Variants in AK9 observed in about 807,000 individuals in gnomAD.
AK9 encodes adenylate kinase domain containing 1.
Under a neutral mutation model 239.6 loss-of-function variants are expected in AK9, and 191 were observed. The observed-to-expected ratio is 0.80, with a 90% CI of 0.71 to 0.90. The LOEUF is 0.90. AK9 is among the 40% of genes least tolerant of loss of function. The pLI is 0.00. For synonymous variants in AK9, 689 were observed against 721.0 expected (o/e 0.96, Z 0.71); for missense variants, 1,995 against 2,214.7 (o/e 0.90, Z 1.99).
intron 12 of AK9, among the ~76,000 whole-genome samples, chr6:109,629,805 T>G (rs1447652104): frequency 6.6e-6 from 1 of 152,018 alleles, no homozygotes; most frequent in Non-Finnish European, 1.5e-5. Flanking sequence ...GCTAATTTTT[T>G]TGTATTTTTA....
intron 7 of AK9, among the ~76,000 whole-genome samples, chr6:109,657,709 C>G (rs1031884407): frequency 2.2e-4 from 34 of 152,038 alleles, no homozygotes; most frequent in Non-Finnish European, 4.6e-4. Context: ...CTCCCCCTAC[C>G]CCCTGACAGG....
chr6:109,522,480 G>C (rs1582824899), intron 29 of AK9, among the ~76,000 whole-genome samples: 1 of 151,596 alleles, frequency 6.6e-6, no homozygotes, highest in Admixed American at 6.6e-5. Flanking sequence ...CTTGCACTTT[G>C]TTTTATATTT....
In AK9 at chr6:109,593,665, C is replaced by T. The variant is rs560974755; in HGVS notation, c.1843-7593G>A. On this transcript the variant is annotated intron_variant, in intron 17 of 40. Transcript: ENST00000424296. ...GCAGCACATCAAAAAACTTATCCAC[C>T]ACGATCAAGTCAGCTTCATCCCTGG... 1.2e-4 allele frequency among the ~76,000 whole-genome samples: 18 copies of T among 152,252 alleles called. No individual in the cohort carries two copies. The South Asian group carries it at 1.9e-3, about 16-fold the overall frequency.
At chr6:109,641,477 A>G (rs1797438709) in intron 10 of AK9, 41 bp downstream of exon 10, 1 of 1,530,054 alleles carries the variant, frequency 6.5e-7, no homozygotes, top group South Asian at 1.1e-5. Flanking sequence ...CCCACAACAT[A>G]TATTGAAAAT....
intron 13 of AK9, among the ~76,000 whole-genome samples, chr6:109,616,076 GA>G (rs987080119): frequency 1.5e-4 from 22 of 143,640 alleles, no homozygotes; most frequent in Admixed American, 2.8e-4. Context: ...GTCTCTGCCA[GA>G]AAAAAAAAAA....
At chr6:109,628,543 G>A (rs921062541) in intron 12 of AK9, among the ~76,000 whole-genome samples, 1 of 152,142 alleles carries the variant, frequency 6.6e-6, no homozygotes, top group Non-Finnish European at 1.5e-5. Context: ...TCACTGTCAT[G>A]GCTGGAATTT....
chr6:109,596,422 C>T (rs943557447), intron 17 of AK9, among the ~76,000 whole-genome samples: 32 of 152,196 alleles, frequency 2.1e-4, no homozygotes, highest in Non-Finnish European at 4.1e-4. Flanking sequence ...AGAGGGGCAG[C>T]CCAAACTCCT....
intron 28 of AK9, 66 bp downstream of exon 28, chr6:109,533,185 C>G: frequency 1.5e-6 from 2 of 1,310,416 alleles, no homozygotes; most frequent in Non-Finnish European, 2.1e-6. Context: ...GTGAAGATCA[C>G]TTTATAATAG....
rs1187692046 is a variant in AK9 at position 109,546,044 on chromosome 6, G to A, written c.3048C>T (p.Asn1016=). ...MCGRQLAEKL[N]IFHIQFEEVL... ...CTTCTTCAAACTGAATGTGAAAAAT[G>A]TTTAATTTTTCTGCCAACTGTCTTC... Residue 1016 remains asparagine, a synonymous_variant, in exon 26 of 41, where the codon AAC becomes AAT. Coordinates refer to ENST00000424296, the MANE Select transcript of AK9 (RefSeq NM_001145128.3). 12 of 1,453,388 alleles carry A rather than the reference G, an allele frequency of 8.3e-6. No homozygotes were observed. The highest frequency in any genetic ancestry group is 1.0e-5 in the Non-Finnish European group (11 of 1,079,024). 90.0% of individuals were successfully genotyped at this position (1,453,388 alleles called of 1,614,324 possible). A position where few individuals can be genotyped will look rare whatever the true frequency, so the allele number is the denominator to read the frequency against.
At chr6:109,615,644 A>G (rs1278601573) in intron 13 of AK9, among the ~76,000 whole-genome samples, 1 of 152,172 alleles carries the variant, frequency 6.6e-6, no homozygotes, top group African/African-American at 2.4e-5. Context: ...CTTGGGCACC[A>G]TGTTGAATTA....
intron 12 of AK9, among the ~76,000 whole-genome samples, chr6:109,631,527 A>G (rs1198752520): frequency 6.6e-6 from 1 of 152,214 alleles, no homozygotes; most frequent in Non-Finnish European, 1.5e-5. Flanking sequence ...AAGACCGACC[A>G]TAGTAAGAGT....
At chr6:109,617,864 A>G (rs543320319) in intron 13 of AK9, among the ~76,000 whole-genome samples, 1 of 152,252 alleles carries the variant, frequency 6.6e-6, no homozygotes, top group East Asian at 1.9e-4. Context: ...AGTAAAGAAG[A>G]GCACATTTAT....
At chr6:109,592,006 C>CA in intron 17 of AK9, among the ~76,000 whole-genome samples, 1 of 152,094 alleles carries the variant, frequency 6.6e-6, no homozygotes, top group South Asian at 2.1e-4. Flanking sequence ...GAACTAACAT[C>CA]AGAATCATCT....
chr6:109,635,814 C>T (rs1481486154), intron 10 of AK9, among the ~76,000 whole-genome samples: 1 of 152,160 alleles, frequency 6.6e-6, no homozygotes, highest in Non-Finnish European at 1.5e-5. Context: ...TTACAGGACC[C>T]TTGTTCTACA....
chr6:109,587,162 C>T (rs1172506280), intron 17 of AK9, among the ~76,000 whole-genome samples: 1 of 151,992 alleles, frequency 6.6e-6, no homozygotes, highest in East Asian at 1.9e-4. Flanking sequence ...ATTTTAAGCA[C>T]TTTGAAATGT....
intron 17 of AK9, among the ~76,000 whole-genome samples, chr6:109,600,577 A>G (rs1441915661): frequency 2.0e-5 from 3 of 152,188 alleles, no homozygotes; most frequent in African/African-American, 7.2e-5. Flanking sequence ...TGGTATCAGG[A>G]TGATGCTGGC....
At chr6:109,610,726 G>C (rs1793479285) in intron 16 of AK9, among the ~76,000 whole-genome samples, 1 of 152,138 alleles carries the variant, frequency 6.6e-6, no homozygotes, top group African/African-American at 2.4e-5. Context: ...GTAACTTAAA[G>C]CCAGTACAGC....
At chr6:109,539,269 T>C (rs1782504606) in intron 27 of AK9, among the ~76,000 whole-genome samples, 1 of 152,244 alleles carries the variant, frequency 6.6e-6, no homozygotes, top group Admixed American at 6.5e-5. Context: ...TCTTTTCACA[T>C]AGTCCCATAT....
At chr6:109,650,004 A>T (rs1798683080) in intron 8 of AK9, among the ~76,000 whole-genome samples, 1 of 152,190 alleles carries the variant, frequency 6.6e-6, no homozygotes, top group Non-Finnish European at 1.5e-5. Flanking sequence ...CTATTTAATA[A>T]ATGGTGCTGG....
Sources: gnomAD v4.1 joint callset for allele counts (sites outside exome capture counted in the v4.1 genomes callset) on GRCh38, gnomAD v4.1.1 for gene constraint, MANE v1.5 for transcripts, NCBI Gene and HGNC (gene_info 2026-07-23, HGNC 2026-07-21) for gene names.